FRMD3: variants seen among roughly 807,000 people sequenced by gnomAD.
FRMD3 encodes FERM domain-containing protein 3.
A neutral mutation model predicts 70.2 loss-of-function variants in FRMD3; 33 were observed. That is an observed-to-expected ratio of 0.47 (90% CI 0.36 to 0.63). FRMD3 has a LOEUF of 0.63. Ranked by LOEUF, FRMD3 falls within the 20% of genes least tolerant of loss-of-function variation. The probability of loss-of-function intolerance (pLI) is 0.00; values close to 1 mark genes in which losing one functional copy is unlikely to be tolerated. For missense variants in FRMD3, 632 were observed against 711.4 expected, an observed-to-expected ratio of 0.89 and a Z score of 1.27; for synonymous variants, 279 against 255.9, an observed-to-expected ratio of 1.09 and a Z score of -0.86.
In FRMD3 at chr9:83,490,759, TC is replaced by T. The variant is rs1564101992; in HGVS notation, c.147+47325del. 2.0e-4 allele frequency among the ~76,000 whole-genome samples: 27 copies of T among 138,238 alleles called. 1 individual carries two copies. Among genetic ancestry groups the T allele is most frequent in the African/African-American group, 7.3e-4 (26 of 35,544 alleles). 90.7% of individuals were successfully genotyped at this position (138,238 alleles called of 152,430 possible). A position where few individuals can be genotyped will look rare whatever the true frequency, so the allele number is the denominator to read the frequency against. ...GCTTATAAAAAATCCAGTTTTTTAC[TC>T]TCTTCTCTCTCTCTCTCTCTCTCTC... On this transcript the variant is annotated intron_variant, in intron 1 of 13. Transcript: ENST00000304195.
chr9:83,244,988 T>A lies in FRMD3; in HGVS notation c.*2930A>T. ...TTGCCATATGTGTGTGTGTATTATA[T>A]ATATTTATTTATATCCACAAATGTA... On this transcript the variant is annotated 3_prime_UTR_variant, in exon 14 of 14. Coordinates refer to ENST00000304195, the MANE Select transcript of FRMD3 (RefSeq NM_174938.6). The A allele has an allele frequency of 2.0e-6, 2 of 981,108 alleles. No individual in the cohort carries two copies. The highest frequency in any genetic ancestry group is 9.4e-5 in the South Asian group (2 of 21,204). The allele number at this position is 981,108 out of a possible 1,614,324, so 60.8% of individuals were successfully genotyped here.
intron 1 of FRMD3, among the ~76,000 whole-genome samples, chr9:83,414,519 A>C (rs959419958): frequency 6.6e-6 from 1 of 152,228 alleles, no homozygotes; most frequent in Non-Finnish European, 1.5e-5. Flanking sequence ...CTGTTAAACA[A>C]AGAATATCAT....
rs145081046 is a variant in FRMD3, at chr9:83,331,863, C to T, written c.596+3653G>A. 4.6e-4 allele frequency: 330 copies of T among 717,458 alleles called. No individual in the cohort carries two copies. In the African/African-American group the frequency reaches 5.2e-3, roughly 11 times the overall value. The allele number at this position is 717,458 out of a possible 1,614,324, so 44.4% of individuals were successfully genotyped here. ...CCAGCTCCTATTACCTTCTGAACACCATAGAATTGCATTTCCTTGATCCTG... is the reference window on the plus strand; with the variant it reads ...CCAGCTCCTATTACCTTCTGAACACTATAGAATTGCATTTCCTTGATCCTG... On this transcript the variant is annotated intron_variant, in intron 6 of 13. Coordinates refer to ENST00000304195, the MANE Select transcript of FRMD3 (RefSeq NM_174938.6).
At chr9:83,556,481 T>A in the FRMD3 span, among the ~76,000 whole-genome samples, 113 of 152,356 alleles carry the variant, frequency 7.4e-4, no homozygotes, top group African/African-American at 2.6e-3. Context: ...GTCTTTCAGA[T>A]GAATATAAAA....
chr9:83,362,813 TC>T (rs1237749390), intron 3 of FRMD3, among the ~76,000 whole-genome samples: 1 of 122,902 alleles, frequency 8.1e-6, no homozygotes, highest in African/African-American at 3.1e-5. Context: ...TTTCCTTCCT[TC>T]CCTCCCTCCT....
Position 83,246,227 on chromosome 9 carries a change from T to C in FRMD3, c.*1691A>G. On this transcript the variant is annotated 3_prime_UTR_variant, in exon 14 of 14. Coordinates refer to ENST00000304195, the MANE Select transcript of FRMD3 (RefSeq NM_174938.6). ...AAGTGGGCCCTGTAACTTTGTACAT[T>C]AGGGCAGTGGAATGTTTTCAATCCA... 1 of 984,586 alleles carries C rather than the reference T, an allele frequency of 1.0e-6. No individual in the cohort carries two copies. The highest frequency in any genetic ancestry group is 1.2e-6 in the Non-Finnish European group (1 of 829,242). 61.0% of individuals were successfully genotyped at this position (984,586 alleles called of 1,614,324 possible).
At chr9:83,267,257 G>A (rs972111280) in intron 13 of FRMD3, 8 of 1,503,926 alleles carry the variant, frequency 5.3e-6, no homozygotes, top group Non-Finnish European at 7.1e-6. Flanking sequence ...TCAAATGTCA[G>A]GTTCCTAATG....
rs757325628 is a variant in FRMD3, at chr9:83,261,140, C to CACAG, written c.1196-12625_1196-12624insCTGT. 5.3e-3 allele frequency among the ~76,000 whole-genome samples: 798 copies of CACAG among 150,020 alleles called. 4 individuals carry two copies. The highest frequency in any genetic ancestry group is 0.018 in the African/African-American group (749 of 40,850). On this transcript the variant is annotated intron_variant, in intron 13 of 13. Transcript: ENST00000304195. ...ACACACACACACACACACACACACA[C>CACAG]AGCAGATCCTAATACTCTCCCATCG...
At chr9:83,472,557 C>T (rs985814200) in intron 1 of FRMD3, among the ~76,000 whole-genome samples, 5 of 152,126 alleles carry the variant, frequency 3.3e-5, no homozygotes, top group African/African-American at 1.2e-4. Context: ...CCCAAAGGAA[C>T]GCCACACCAG....
chr9:83,392,109 T>A lies in FRMD3; in HGVS notation c.148-2401A>T, dbSNP rs183344397. Among the ~76,000 whole-genome samples, 16 of 151,690 alleles carry A rather than the reference T, an allele frequency of 1.1e-4. No homozygotes were observed. The East Asian group carries it at 2.9e-3, about 28-fold the overall frequency. On this transcript the variant is annotated intron_variant, in intron 1 of 13. Transcript: ENST00000304195. ...AAAAAAAGCCCCTTTTCCTTGAGAA[T>A]TGTCTCTTCCTTAACTCAGAAAAAT...
intron 1 of FRMD3, among the ~76,000 whole-genome samples, chr9:83,518,973 C>A (rs984297515): frequency 2.6e-5 from 4 of 152,156 alleles, no homozygotes; most frequent in Non-Finnish European, 5.9e-5. Context: ...CTTCCTTACA[C>A]CTTATACAAA....
chr9:83,498,757 CAT>C (rs1828999180), intron 1 of FRMD3, among the ~76,000 whole-genome samples: 1 of 136,404 alleles, frequency 7.3e-6, no homozygotes, highest in African/African-American at 2.6e-5. Context: ...GAAAAGAAAA[CAT>C]ATAATCAAAG....
chr9:83,276,217 C>A (rs1231059607), intron 13 of FRMD3: 1 of 152,174 alleles, frequency 6.6e-6, no homozygotes, highest in African/African-American at 2.4e-5. Flanking sequence ...CTTACTGACT[C>A]CAATTAGAAC....
chr9:83,488,969 C>T (rs949311855), intron 1 of FRMD3, among the ~76,000 whole-genome samples: 3 of 75,490 alleles, frequency 4.0e-5, no homozygotes, highest in Admixed American at 2.6e-4. Flanking sequence ...GCCCCCTATA[C>T]CTTTGTGTGT....
At chr9:83,249,250 T>C (rs1019623762) in intron 13 of FRMD3, among the ~76,000 whole-genome samples, 2 of 152,210 alleles carry the variant, frequency 1.3e-5, no homozygotes. Flanking sequence ...TCATTTGCTA[T>C]AGATAGATGC....
intron 2 of FRMD3, among the ~76,000 whole-genome samples, chr9:83,381,941 T>C (rs1825368938): frequency 6.6e-6 from 1 of 152,080 alleles, no homozygotes; most frequent in South Asian, 2.1e-4. Flanking sequence ...TAAAACCTTA[T>C]TTACAAAAAC....
At chr9:83,357,223 AT>A (rs1181909046) in intron 3 of FRMD3, among the ~76,000 whole-genome samples, 19 of 19,436 alleles carry the variant, frequency 9.8e-4, no homozygotes, top group Middle Eastern at 0.019. Flanking sequence ...GAATATATAT[AT>A]TTTATATATA....
At chr9:83,583,653 G>A in the FRMD3 span, among the ~76,000 whole-genome samples, 8,155 of 152,144 alleles carry the variant, frequency 0.054, 739 homozygotes, top group African/African-American at 0.19. Flanking sequence ...CTGTAGCCCA[G>A]GCCGGAGTGT....
At chr9:83,516,148 T>C (rs1829450357) in intron 1 of FRMD3, among the ~76,000 whole-genome samples, 1 of 152,072 alleles carries the variant, frequency 6.6e-6, no homozygotes, top group Non-Finnish European at 1.5e-5. Flanking sequence ...ACGAGCTAAA[T>C]GCCCCAATTA....
Sources: allele counts gnomAD v4.1 joint callset (sites outside exome capture counted in the v4.1 genomes callset), GRCh38; gene constraint gnomAD v4.1.1; transcripts MANE v1.5; gene names NCBI Gene and HGNC (gene_info 2026-07-23, HGNC 2026-07-21).